The following CDH12 variants were observed in gnomAD, a reference collection of about 807,000 sequenced individuals.
CDH12 encodes cadherin 12, also known as cadherin-12.
CDH12 carries 41 observed loss-of-function variants against 74.1 expected under a neutral mutation model. The observed-to-expected ratio is 0.55, with a 90% CI of 0.43 to 0.72. The LOEUF (loss-of-function observed/expected upper bound fraction) is 0.72. Ranked by LOEUF, CDH12 falls within the 30% of genes least tolerant of loss-of-function variation. The probability of loss-of-function intolerance (pLI) is 0.00; values close to 1 mark genes in which losing one functional copy is unlikely to be tolerated. For synonymous variants in CDH12, 399 were observed against 355.0 expected (o/e 1.12, Z -1.39); for missense variants, 945 against 977.2 (o/e 0.97, Z 0.44).
intron 2 of CDH12, among the ~76,000 whole-genome samples, chr5:22,427,305 C>A (rs1477046578): frequency 2.0e-5 from 3 of 152,100 alleles, no homozygotes; most frequent in African/African-American, 7.2e-5. Context: ...GTAGCTGGGA[C>A]TACAGGCACG....
intron 4 of CDH12, among the ~76,000 whole-genome samples, chr5:22,159,128 G>A (rs1330227119): frequency 6.6e-6 from 1 of 152,024 alleles, no homozygotes; most frequent in African/African-American, 2.4e-5. Context: ...GGAATGTCAT[G>A]TGCAAAATAA....
At chr5:22,639,817 T>C (rs1739051962) in intron 1 of CDH12, among the ~76,000 whole-genome samples, 1 of 152,068 alleles carries the variant, frequency 6.6e-6, no homozygotes, top group South Asian at 2.1e-4. Flanking sequence ...TCCACCCCAA[T>C]ACAGTTGAAT....
rs1272305665 is a variant in CDH12 at position 21,962,420 on chromosome 5, T to C, written c.526+12671A>G. The stretch of plus-strand genomic sequence containing the variant: ...GCACTTGTTACTTCAACAATGTTCA[T>C]TACTGAAAATTTCCTTTTTTGTTCT... On this transcript the variant is annotated intron_variant, in intron 6 of 14. Coordinates refer to ENST00000382254, the MANE Select transcript of CDH12 (RefSeq NM_004061.5). Among the ~76,000 whole-genome samples, 3 of 152,212 alleles carry C rather than the reference T, an allele frequency of 2.0e-5. No homozygotes were observed. The East Asian group carries it at 5.8e-4, about 29-fold the overall frequency.
intron 7 of CDH12, among the ~76,000 whole-genome samples, chr5:21,847,330 A>T (rs1169184487): frequency 6.6e-6 from 1 of 152,058 alleles, no homozygotes; most frequent in Non-Finnish European, 1.5e-5. Flanking sequence ...TCTATCCAAA[A>T]TTTCTTTCTA....
intron 1 of CDH12, among the ~76,000 whole-genome samples, chr5:22,633,819 G>C (rs892087013): frequency 6.6e-5 from 10 of 152,200 alleles, no homozygotes; most frequent in Non-Finnish European, 1.2e-4. Flanking sequence ...TTCTACAATT[G>C]CATGAACCAA....
chr5:22,059,113 G>A (rs1250996384), intron 5 of CDH12, among the ~76,000 whole-genome samples: 1 of 152,070 alleles, frequency 6.6e-6, no homozygotes, highest in Non-Finnish European at 1.5e-5. Context: ...TCATGATCAG[G>A]TAGTGAATAA....
At chr5:22,057,941 A>C in intron 5 of CDH12, among the ~76,000 whole-genome samples, 1 of 152,124 alleles carries the variant, frequency 6.6e-6, no homozygotes, top group African/African-American at 2.4e-5. Flanking sequence ...TTACTGAGAG[A>C]GTTGTTTCAA....
chr5:21,970,671 C>A (rs1179354511), intron 6 of CDH12, among the ~76,000 whole-genome samples: 1 of 151,382 alleles, frequency 6.6e-6, no homozygotes, highest in Non-Finnish European at 1.5e-5. Flanking sequence ...AAAACCCCAT[C>A]TCTTCTAAAA....
intron 4 of CDH12, among the ~76,000 whole-genome samples, chr5:22,080,635 C>T (rs1042135680): frequency 6.6e-6 from 1 of 151,976 alleles, no homozygotes; most frequent in African/African-American, 2.4e-5. Flanking sequence ...TCATGATGTG[C>T]TCTACTTTTA....
chr5:22,311,015 CT>C (rs1183670315), intron 3 of CDH12, among the ~76,000 whole-genome samples: 1 of 152,064 alleles, frequency 6.6e-6, no homozygotes, highest in African/African-American at 2.4e-5. Context: ...AATACCTTTA[CT>C]TTACTGCCAG....
intron 4 of CDH12, among the ~76,000 whole-genome samples, chr5:22,127,576 T>C (rs2150283372): frequency 6.6e-6 from 1 of 152,128 alleles, no homozygotes; most frequent in East Asian, 1.9e-4. Flanking sequence ...TTTACTATAT[T>C]TGAACCATAG....
intron 10 of CDH12, among the ~76,000 whole-genome samples, chr5:21,791,332 T>G (rs919431754): frequency 6.6e-6 from 1 of 152,036 alleles, no homozygotes; most frequent in African/African-American, 2.4e-5. Flanking sequence ...TTCTGGACAA[T>G]TTTGGAAAAG....
At chr5:22,658,850 C>T (rs529685637) in intron 1 of CDH12, among the ~76,000 whole-genome samples, 145 of 152,236 alleles carry the variant, frequency 9.5e-4, no homozygotes, top group African/African-American at 3.2e-3. Context: ...AAATTAGGTA[C>T]ATTTCACTGA....
intron 1 of CDH12, among the ~76,000 whole-genome samples, chr5:22,613,297 T>A (rs1464305137): frequency 6.6e-6 from 1 of 152,124 alleles, no homozygotes; most frequent in African/African-American, 2.4e-5. Flanking sequence ...GAGAAGATAA[T>A]TTTTATAAAT....
intron 2 of CDH12, among the ~76,000 whole-genome samples, chr5:22,411,140 A>C (rs1743153996): frequency 6.6e-6 from 1 of 152,018 alleles, no homozygotes; most frequent in Non-Finnish European, 1.5e-5. Context: ...CAAGAAATAA[A>C]ATAGAAAAGG....
At chr5:21,988,823 T>G (rs1179412442) in intron 5 of CDH12, among the ~76,000 whole-genome samples, 1 of 152,140 alleles carries the variant, frequency 6.6e-6, no homozygotes, top group East Asian at 1.9e-4. Context: ...TCATTAAAAC[T>G]TCACAAGCTT....
chr5:22,037,851 C>G (rs1739293014), intron 5 of CDH12, among the ~76,000 whole-genome samples: 1 of 152,130 alleles, frequency 6.6e-6, no homozygotes, highest in Admixed American at 6.5e-5. Context: ...AGTATAGCCA[C>G]TAGAGAATGA....
At chr5:22,010,688 T>C (rs1397772425) in intron 5 of CDH12, among the ~76,000 whole-genome samples, 2 of 152,194 alleles carry the variant, frequency 1.3e-5, no homozygotes, top group Admixed American at 1.3e-4. Context: ...ATAAATTCAT[T>C]ATTCTCATTT....
At chr5:22,799,115 T>TCAAA (rs371200414) in intron 1 of CDH12, among the ~76,000 whole-genome samples, 104 of 152,010 alleles carry the variant, frequency 6.8e-4, no homozygotes, top group Middle Eastern at 3.4e-3. Context: ...AGACCCAGTC[T>TCAAA]CAAACAAACA....
Sources: gnomAD v4.1 joint callset for allele counts (sites outside exome capture counted in the v4.1 genomes callset) on GRCh38, gnomAD v4.1.1 for gene constraint, MANE v1.5 for transcripts, NCBI Gene and HGNC (gene_info 2026-07-23, HGNC 2026-07-21) for gene names.